Variants in GP2 observed in about 807,000 individuals in gnomAD.
GP2 encodes the protein glycoprotein 2.
Under a neutral mutation model 60.8 loss-of-function variants are expected in GP2, and 58 were observed. The observed-to-expected ratio is 0.95, with a 90% CI of 0.77 to 1.19. The LOEUF (loss-of-function observed/expected upper bound fraction) is 1.19, where lower values mean the gene tolerates loss of function less well. GP2 is among the 50% of genes most tolerant of loss of function. The probability of loss-of-function intolerance (pLI) is 0.00; values close to 1 mark genes in which losing one functional copy is unlikely to be tolerated. For missense variants in GP2, 647 were observed against 667.4 expected (o/e 0.97, Z 0.34); for synonymous variants, 280 against 253.4 (o/e 1.10, Z -1.00).
chr16:20,316,705 G>T (rs561812129), intron 8 of GP2, among the ~76,000 whole-genome samples: 2 of 152,116 alleles, frequency 1.3e-5, no homozygotes, highest in Admixed American at 1.3e-4. Context: ...GCCTCCTGGG[G>T]ACACAAAAAT....
chr16:20,318,635 C>T (rs945309535), intron 6 of GP2, among the ~76,000 whole-genome samples: 1 of 152,174 alleles, frequency 6.6e-6, no homozygotes, highest in African/African-American at 2.4e-5. Context: ...TCCACCGATC[C>T]TCCCTGCAGG....
At chr16:20,319,899 G>C in intron 5 of GP2, 131 bp from the exon 6 acceptor site, 1 of 735,292 alleles carries the variant, frequency 1.4e-6, no homozygotes, top group African/African-American at 1.7e-5. Flanking sequence ...GCTCATGGAG[G>C]TCAAGGGACC....
intron 4 of GP2, among the ~76,000 whole-genome samples, chr16:20,321,310 C>T (rs1233072632): frequency 6.6e-6 from 1 of 152,172 alleles, no homozygotes; most frequent in Non-Finnish European, 1.5e-5. Flanking sequence ...GATCTGCCGG[C>T]CTCAGCCTCC....
chr16:20,325,324 A>C (rs1305131720), intron 2 of GP2, among the ~76,000 whole-genome samples: 1 of 152,252 alleles, frequency 6.6e-6, no homozygotes, highest in Admixed American at 6.5e-5. Context: ...TTATTGACTT[A>C]AAATGTTTCT....
chr16:20,319,832 T>C (rs1964296751), intron 5 of GP2, 64 bp from the exon 6 acceptor site: 1 of 1,291,916 alleles, frequency 7.7e-7, no homozygotes, highest in African/African-American at 1.5e-5. Context: ...GTATCTCAAA[T>C]CCAGATCTGA....
At position 20,318,312 on chromosome 16, in the gene GP2, C is replaced by T. The variant is rs147573034; in HGVS notation, c.1126G>A (p.Val376Met). The T allele has an allele frequency of 4.5e-5, 73 of 1,613,762 alleles. No individual in the cohort carries two copies. The African/African-American group carries it at 4.9e-4, about 11-fold the overall frequency. The change falls in exon 7 of 11, where the codon GTG (valine) becomes ATG (methionine). Residue 376 changes from valine (V) to methionine (M), a missense_variant. Val to Met is a conservative substitution (Grantham distance 21). Transcript: ENST00000302555. Reference sequence around the variant, plus strand: ...TCCAAGATGGCACCCACATACAGCACGGACTCAACAGACAGTTCAACTGCA... The same window carrying T: ...TCCAAGATGGCACCCACATACAGCATGGACTCAACAGACAGTTCAACTGCA... The part of the protein sequence containing the change: ...GDAVELSVES[V>M]LYVGAILEQG...
intron 3 of GP2, chr16:20,323,494 C>A (rs4544248): frequency 1.4e-4 from 84 of 616,476 alleles, no homozygotes; most frequent in African/African-American, 6.9e-4. Context: ...TACCCCCCCC[C>A]CCTTTTTTTC....
intron 10 of GP2, among the ~76,000 whole-genome samples, chr16:20,312,881 G>A (rs369815544): frequency 3.3e-5 from 5 of 151,980 alleles, no homozygotes; most frequent in Non-Finnish European, 5.9e-5. Context: ...AACTCCTGAC[G>A]TCAGGTGGTC....
chr16:20,314,090 G>C (rs1402353108), intron 10 of GP2, among the ~76,000 whole-genome samples: 2 of 151,986 alleles, frequency 1.3e-5, no homozygotes, highest in African/African-American at 4.8e-5. Context: ...GGGGGCAAGG[G>C]GAGGGAGAGC....
intron 10 of GP2, among the ~76,000 whole-genome samples, chr16:20,314,245 TA>T (rs199505876): frequency 0.016 from 2,042 of 129,426 alleles, 23 homozygotes; most frequent in South Asian, 0.028. Flanking sequence ...TAAAATGAAT[TA>T]AAAAAAAAAA....
At chr16:20,324,571 A>C (rs564004675) in intron 2 of GP2, among the ~76,000 whole-genome samples, 2 of 152,178 alleles carry the variant, frequency 1.3e-5, no homozygotes, top group Non-Finnish European at 2.9e-5. Flanking sequence ...TGTTTTTCTC[A>C]TTATAAATGT....
In GP2 at chr16:20,318,234, G is replaced by C. The variant is rs753852274; in HGVS notation, c.1204C>G (p.Pro402Ala). Reference protein sequence around the residue: ...NLVLRNCYATPTEDKADLVKY... With the variant: ...NLVLRNCYATATEDKADLVKY... ...ACAAGGTCAGCCTTGTCTTCAGTGG[G>C]GGTGGCATAGCAGTTCCTCAACACC... is the stretch of plus-strand genomic sequence containing the variant. The change falls in exon 7 of 11, where the codon CCC (proline) becomes GCC (alanine). Residue 402 changes from proline to alanine, a missense_variant. Pro to Ala is a conservative substitution (Grantham distance 27, BLOSUM62 -1). Coordinates refer to ENST00000302555, the MANE Select transcript of GP2 (RefSeq NM_001502.4). 1.9e-6 allele frequency: 3 copies of C among 1,611,790 alleles called. No homozygotes were observed. The African/African-American group carries it at 4.0e-5, about 22-fold the overall frequency.
chr16:20,324,474 C>T (rs982651859), intron 2 of GP2, among the ~76,000 whole-genome samples: 2 of 152,200 alleles, frequency 1.3e-5, no homozygotes, highest in African/African-American at 4.8e-5. Flanking sequence ...TCAGGGCTAC[C>T]GTCCTGCACA....
chr16:20,323,359 G>A (rs1338403261), intron 3 of GP2: 3 of 718,404 alleles, frequency 4.2e-6, no homozygotes, highest in Non-Finnish European at 7.8e-6. Flanking sequence ...GCCCCTAACT[G>A]GGGTAATTAG....
chr16:20,319,767 C>A lies in GP2; in HGVS notation c.860G>T (p.Arg287Ile), dbSNP rs749116409. 6.2e-7 allele frequency: 1 copy of A among 1,611,542 alleles called. No homozygotes were observed. The highest frequency in any genetic ancestry group is 1.3e-5 in the African/African-American group (1 of 74,800). ...TTTGTAGATGGCATGGGTTTGATTT[C>A]TCTTTGGCAAAAAAACAAAACCATA... ...QASACRNILE[R>I]NQTHAIYKNT... The change falls in exon 6 of 11, where the codon AGA (arginine) becomes ATA (isoleucine). Residue 287 changes from arginine to isoleucine, a missense_variant and splice_region_variant. Physicochemically the swap from Arg to Ile is moderately conservative, Grantham distance 97. Coordinates refer to ENST00000302555, the MANE Select transcript of GP2 (RefSeq NM_001502.4).
At chr16:20,323,302 C>G in intron 3 of GP2, 1 of 709,638 alleles carries the variant, frequency 1.4e-6, no homozygotes, top group South Asian at 1.5e-5. Context: ...CCCAGCTGTA[C>G]CATGCTCCAG....
Position 20,324,222 on chromosome 16 carries a change from C to T in GP2, c.129G>A (p.Gly43=). The change falls in exon 3 of 11, where the codon GGG becomes GGA. Residue 43 remains glycine (G), a synonymous_variant. Transcript: ENST00000302555. The stretch of plus-strand genomic sequence containing the variant: ...CAGGAGCTCCGCAGTCCAGGTCCAG[C>T]CCATACGAACTGGCTTCAATGGGGT... ...YGNPIEASSY[G]LDLDCGAPGT... 6.2e-7 allele frequency: 1 copy of T among 1,607,762 alleles called. No homozygotes were observed. The highest frequency in any genetic ancestry group is 8.5e-7 in the Non-Finnish European group (1 of 1,175,072).
At chr16:20,311,714 C>A (rs1964001021) in intron 10 of GP2, among the ~76,000 whole-genome samples, 1 of 152,126 alleles carries the variant, frequency 6.6e-6, no homozygotes, top group South Asian at 2.1e-4. Flanking sequence ...GTAGTAGAAG[C>A]CTGAGCTCCT....
Position 20,314,701 on chromosome 16 carries a change from C to T in GP2, c.1502G>A (p.Gly501Asp), listed in dbSNP as rs1964104301. The stretch of plus-strand genomic sequence containing the variant: ...ATTCATGACACCGGGAGACTGTGCA[C>T]CTGTGAACAAGAACAGAAGGGGTGG... Reference protein sequence around the residue: ...VLDLGPITRRGAQSPGVMNGT... With the variant: ...VLDLGPITRRDAQSPGVMNGT... The change falls in exon 10 of 11, where the codon GGT becomes GAT. Residue 501 changes from glycine to aspartate, a missense_variant and splice_region_variant. Physicochemically the swap from Gly to Asp is moderately conservative, Grantham distance 94. Coordinates refer to ENST00000302555, the MANE Select transcript of GP2 (RefSeq NM_001502.4). 2.5e-6 allele frequency: 4 copies of T among 1,602,038 alleles called. No individual in the cohort carries two copies. The highest frequency in any genetic ancestry group is 1.7e-5 in the Admixed American group (1 of 59,976).
Sources: allele counts gnomAD v4.1 joint callset (sites outside exome capture counted in the v4.1 genomes callset), GRCh38; gene constraint gnomAD v4.1.1; transcripts MANE v1.5; gene names NCBI Gene and HGNC (gene_info 2026-07-23, HGNC 2026-07-21).